HTR2C: variants seen among roughly 807,000 people sequenced by gnomAD.
The protein encoded by HTR2C is 5-hydroxytryptamine (serotonin) receptor 2C, G protein-coupled.
Under a neutral mutation model 21.0 loss-of-function variants are expected in HTR2C, and 5 were observed. The ratio of observed to expected loss-of-function variants is 0.24; its 90% CI spans 0.12 to 0.50. The LOEUF (loss-of-function observed/expected upper bound fraction) is 0.50. Among genes scored for constraint, HTR2C ranks in the 20% least tolerant of loss-of-function variants. The probability of loss-of-function intolerance (pLI) is 0.98; values close to 1 mark genes in which losing one functional copy is unlikely to be tolerated. For synonymous variants in HTR2C, 150 were observed against 145.3 expected, an observed-to-expected ratio of 1.03 and a Z score of -0.23; for missense variants, 271 against 371.2, an observed-to-expected ratio of 0.73 and a Z score of 2.22.
intron 5 of HTR2C, among the ~76,000 whole-genome samples, chrX:114,880,010 T>C (rs2071168172): frequency 1.8e-5 from 2 of 110,961 alleles, no homozygotes; most frequent in Non-Finnish European, 3.8e-5. Flanking sequence ...ATATCTTTAT[T>C]GTTCCTCTGT....
At chrX:114,791,782 C>T (rs948186201) in intron 4 of HTR2C, among the ~76,000 whole-genome samples, 10 of 110,815 alleles carry the variant, frequency 9.0e-5, no homozygotes, top group Non-Finnish European at 1.1e-4. Context: ...CACACACACA[C>T]GCACACACAC....
intron 4 of HTR2C, among the ~76,000 whole-genome samples, chrX:114,828,590 A>T (rs2070696407): frequency 8.9e-6 from 1 of 112,060 alleles, no homozygotes; most frequent in South Asian, 3.6e-4. Context: ...AACAAAATTA[A>T]CAATTAACCA....
At chrX:114,794,841 G>A (rs1333925570) in intron 4 of HTR2C, among the ~76,000 whole-genome samples, 1 of 109,922 alleles carries the variant, frequency 9.1e-6, no homozygotes, top group Non-Finnish European at 1.9e-5. Context: ...AAACAAACGT[G>A]TGCATGTGTC....
chrX:114,678,154 G>C (rs1293029198), intron 2 of HTR2C, among the ~76,000 whole-genome samples: 1 of 110,751 alleles, frequency 9.0e-6, no homozygotes, highest in Non-Finnish European at 1.9e-5. Context: ...TAAAGTATGG[G>C]CAGAATGATT....
intron 2 of HTR2C, among the ~76,000 whole-genome samples, chrX:114,711,238 A>G (rs782087816): frequency 3.6e-5 from 4 of 111,655 alleles, no homozygotes; most frequent in Non-Finnish European, 5.7e-5. Flanking sequence ...TACAATAACA[A>G]TGATTTTGTT....
chrX:114,827,361 A>G (rs939877355), intron 4 of HTR2C, among the ~76,000 whole-genome samples: 2 of 111,337 alleles, frequency 1.8e-5, no homozygotes, highest in African/African-American at 6.5e-5. Context: ...AAAACCATAT[A>G]TGCTCCTTTA....
At chrX:114,726,817 A>G in intron 2 of HTR2C, 41 bp from the exon 3 acceptor site, 1 of 473,086 alleles carries the variant, frequency 2.1e-6, no homozygotes. Context: ...AGTTATTTCG[A>G]TGTTTAACTA....
intron 4 of HTR2C, among the ~76,000 whole-genome samples, chrX:114,839,523 C>CA (rs1433466118): frequency 1.8e-5 from 2 of 110,516 alleles, no homozygotes; most frequent in Non-Finnish European, 3.8e-5. Flanking sequence ...CCCATCTCTA[C>CA]AAAAAATACA....
In HTR2C at chrX:114,744,223, G is replaced by C. The variant is rs185659995; in HGVS notation, c.349+12616G>C. On this transcript the variant is annotated intron_variant, in intron 4 of 5. Coordinates refer to ENST00000276198, the MANE Select transcript of HTR2C (RefSeq NM_000868.4). ...GTAAAGCTGTTGTTAAAAATTGTAAGATGTAGCTAAAGTAGTGCTTAGAGG... is the reference window on the plus strand; with the variant it reads ...GTAAAGCTGTTGTTAAAAATTGTAACATGTAGCTAAAGTAGTGCTTAGAGG... Among the ~76,000 whole-genome samples the C allele has an allele frequency of 4.8e-3, 528 of 109,787 alleles. 4 individuals carry two copies. The highest frequency in any genetic ancestry group is 0.016 in the African/African-American group (496 of 30,311).
At chrX:114,762,356 T>G (rs2069888637) in intron 4 of HTR2C, among the ~76,000 whole-genome samples, 1 of 111,106 alleles carries the variant, frequency 9.0e-6, no homozygotes, top group Non-Finnish European at 1.9e-5. Flanking sequence ...CATCAAAAGT[T>G]ACTCACTGGA....
At chrX:114,737,229 CT>C (rs200101973) in intron 4 of HTR2C, among the ~76,000 whole-genome samples, 8 of 97,271 alleles carry the variant, frequency 8.2e-5, no homozygotes, top group South Asian at 9.0e-4. Flanking sequence ...CTTTTCTTTT[CT>C]TTTTTTTTTT....
intron 2 of HTR2C, among the ~76,000 whole-genome samples, chrX:114,639,945 G>T (rs184632528): frequency 1.8e-3 from 197 of 111,460 alleles, no homozygotes; most frequent in African/African-American, 5.7e-3. Context: ...ACAGGTTAAG[G>T]TTAAGCCAGG....
intron 4 of HTR2C, among the ~76,000 whole-genome samples, chrX:114,827,402 G>A (rs1257799687): frequency 9.0e-6 from 1 of 110,630 alleles, no homozygotes; most frequent in Non-Finnish European, 1.9e-5. Context: ...GTTGTAATAT[G>A]GATTACATCT....
Position 114,802,777 on chromosome X carries a change from A to T in HTR2C, c.350-45226A>T, listed in dbSNP as rs1174731397. ...TTAAGTTTTAGGGTACATGTGCACA[A>T]TGTGCAGGTTAGTTACATATGTATT... On this transcript the variant is annotated intron_variant, in intron 4 of 5. Transcript: ENST00000276198. Among the ~76,000 whole-genome samples the T allele has an allele frequency of 4.1e-5, 4 of 97,380 alleles. No homozygotes were observed. The East Asian group carries it at 1.3e-3, about 32-fold the overall frequency. 84.6% of individuals were successfully genotyped at this position (97,380 alleles called of 115,157 possible). A position where few individuals can be genotyped will look rare whatever the true frequency, so the allele number is the denominator to read the frequency against.
Position 114,836,882 on chromosome X carries a change from C to T in HTR2C, c.350-11121C>T, listed in dbSNP as rs782124140. Among the ~76,000 whole-genome samples, 6 of 111,980 alleles carry T rather than the reference C, an allele frequency of 5.4e-5. No individual in the cohort carries two copies. In the East Asian group the frequency reaches 1.7e-3, roughly 31 times the overall value. On this transcript the variant is annotated intron_variant, in intron 4 of 5. Coordinates refer to ENST00000276198, the MANE Select transcript of HTR2C (RefSeq NM_000868.4). ...ATTTATCTGTAAATTTTTTTATGTA[C>T]ACAATCATGTTTTCATTTTTCCTTT...
intron 1 of HTR2C, among the ~76,000 whole-genome samples, chrX:114,603,483 A>G (rs1248555464): frequency 1.8e-4 from 19 of 106,332 alleles, no homozygotes; most frequent in African/African-American, 6.5e-4. Context: ...AATTCTGACC[A>G]CTCGAACCAT....
At chrX:114,802,028 A>G (rs2070351175) in intron 4 of HTR2C, among the ~76,000 whole-genome samples, 1 of 111,119 alleles carries the variant, frequency 9.0e-6, no homozygotes, top group South Asian at 3.7e-4. Context: ...TGATGAAAGT[A>G]GTAGTGCAAT....
intron 4 of HTR2C, chrX:114,823,475 CATAGTGCTGCCAGGAA>C (rs1290890306): frequency 3.5e-5 from 12 of 346,638 alleles, no homozygotes; most frequent in Middle Eastern, 4.5e-4. Context: ...GAACATCCTG[CATAGTGCTGCCAGGAA>C]ATCCCTATTT....
At chrX:114,681,152 C>A (rs1447655657) in intron 2 of HTR2C, among the ~76,000 whole-genome samples, 8 of 111,659 alleles carry the variant, frequency 7.2e-5, no homozygotes, top group Non-Finnish European at 1.5e-4. Context: ...TAATACATTT[C>A]AGCATCTTCC....
Sources: allele counts gnomAD v4.1 joint callset (sites outside exome capture counted in the v4.1 genomes callset), GRCh38; gene constraint gnomAD v4.1.1; transcripts MANE v1.5; gene names NCBI Gene and HGNC (gene_info 2026-07-23, HGNC 2026-07-21).